The following DDX46 variants were observed in gnomAD, a reference collection of about 807,000 sequenced individuals.
The protein encoded by DDX46 is probable ATP-dependent RNA helicase DDX46.
In DDX46, 30 loss-of-function variants were observed where a neutral mutation model predicts 134.9. That is an observed-to-expected ratio of 0.22 (90% CI 0.17 to 0.30). The LOEUF (loss-of-function observed/expected upper bound fraction) is 0.30. Among genes scored for constraint, DDX46 ranks in the 10% least tolerant of loss-of-function variants. The pLI is 1.00. For synonymous variants in DDX46, 415 were observed against 404.1 expected (o/e 1.03, Z -0.32); for missense variants, 622 against 1,248.7 (o/e 0.50, Z 7.56).
At chr5:134,813,382 G>C (rs1340903771) in intron 18 of DDX46, among the ~76,000 whole-genome samples, 1 of 152,174 alleles carries the variant, frequency 6.6e-6, no homozygotes, top group Non-Finnish European at 1.5e-5. Context: ...TGGCTTAGGC[G>C]CTCGTGAGAT....
At chr5:134,806,386 G>T (rs1360350523) in intron 15 of DDX46, among the ~76,000 whole-genome samples, 4 of 152,008 alleles carry the variant, frequency 2.6e-5, no homozygotes, top group African/African-American at 9.7e-5. Context: ...AAAGGAAGGG[G>T]GTTCATGGTT....
chr5:134,815,149 C>G (rs997279206), intron 18 of DDX46, among the ~76,000 whole-genome samples: 1 of 152,028 alleles, frequency 6.6e-6, no homozygotes, highest in Admixed American at 6.6e-5. Flanking sequence ...CTTGGGAGGC[C>G]GAGATATGAG....
intron 1 of DDX46, among the ~76,000 whole-genome samples, chr5:134,759,377 A>G (rs1330696302): frequency 6.6e-6 from 1 of 152,204 alleles, no homozygotes; most frequent in Non-Finnish European, 1.5e-5. Flanking sequence ...GTTACTTGAA[A>G]GGAGCGTGTG....
intron 1 of DDX46, among the ~76,000 whole-genome samples, chr5:134,763,178 A>G (rs1404564235): frequency 1.3e-5 from 2 of 152,158 alleles, no homozygotes; most frequent in African/African-American, 4.8e-5. Flanking sequence ...AGTTGCAGTG[A>G]ACTGTGAGCA....
At chr5:134,813,607 A>G (rs748990187) in intron 18 of DDX46, among the ~76,000 whole-genome samples, 5 of 151,464 alleles carry the variant, frequency 3.3e-5, no homozygotes, top group African/African-American at 1.2e-4. Context: ...CTTCCACTTT[A>G]TTCTTTATGG....
At chr5:134,790,017 A>T (rs181271876) in intron 12 of DDX46, 1 of 454,962 alleles carries the variant, frequency 2.2e-6, no homozygotes, top group East Asian at 6.9e-5. Context: ...ATAAAATAAT[A>T]TAGAGAGACA....
At chr5:134,790,353 TG>T in intron 12 of DDX46, 116 bp from the exon 13 acceptor site, 2 of 833,370 alleles carry the variant, frequency 2.4e-6, no homozygotes, top group Non-Finnish European at 3.7e-6. Flanking sequence ...CTTACCCCTC[TG>T]GTTAAGTCAG....
intron 13 of DDX46, 73 bp downstream of exon 13, chr5:134,790,625 A>G: frequency 7.5e-7 from 1 of 1,336,666 alleles, no homozygotes; most frequent in Admixed American, 2.0e-5. Flanking sequence ...TGAAATGTTC[A>G]TGTGGTTTCT....
At chr5:134,771,101 T>C in intron 4 of DDX46, 102 bp downstream of exon 4, 1 of 589,170 alleles carries the variant, frequency 1.7e-6, no homozygotes. Flanking sequence ...CTTTCTTTCT[T>C]TCTTTTCTGT....
intron 8 of DDX46, 123 bp from the exon 9 acceptor site, chr5:134,782,822 A>G: frequency 8.0e-7 from 1 of 1,252,878 alleles, no homozygotes; most frequent in South Asian, 1.6e-5. Flanking sequence ...TGCTAGGATT[A>G]CAGGTGTGAG....
At chr5:134,813,137 G>T (rs1046009885) in intron 18 of DDX46, among the ~76,000 whole-genome samples, 7 of 151,968 alleles carry the variant, frequency 4.6e-5, no homozygotes, top group African/African-American at 1.4e-4. Flanking sequence ...TAGAGACAGG[G>T]TTTCACCATG....
chr5:134,768,276 A>C (rs1753644985), intron 3 of DDX46, among the ~76,000 whole-genome samples: 1 of 151,498 alleles, frequency 6.6e-6, no homozygotes, highest in Admixed American at 6.6e-5. Flanking sequence ...TGCCCAGCTA[A>C]TTTTTTGTAT....
rs574642224 is a variant in DDX46, at chr5:134,770,766, C to T, written c.351-137C>T. The stretch of plus-strand genomic sequence containing the variant: ...GGTGGAGGTTGCAGTGAGCTGAGAT[C>T]GCACCATTTCACTCCACTCCAGTCT... On this transcript the variant is annotated intron_variant, in intron 3 of 22. Transcript: ENST00000452510. 3.6e-5 allele frequency: 22 copies of T among 618,972 alleles called. No individual in the cohort carries two copies. The East Asian group carries it at 5.0e-4, about 14-fold the overall frequency. The allele number at this position is 618,972 out of a possible 1,614,324, so 38.3% of individuals were successfully genotyped here. A position where few individuals can be genotyped will look rare whatever the true frequency, so the allele number is the denominator to read the frequency against.
intron 21 of DDX46, among the ~76,000 whole-genome samples, chr5:134,819,340 C>A (rs532361530): frequency 6.6e-6 from 1 of 152,092 alleles, no homozygotes; most frequent in Non-Finnish European, 1.5e-5. Context: ...GTGTATTAGT[C>A]CACTTAATGA....
At chr5:134,777,491 G>T (rs1299950307) in intron 5 of DDX46, 83 bp from the exon 6 acceptor site, 18 of 1,505,076 alleles carry the variant, frequency 1.2e-5, no homozygotes, top group Non-Finnish European at 1.5e-5. Flanking sequence ...GGCAGAAAAG[G>T]TTAGAGAGGT....
In DDX46 at chr5:134,814,774, C is replaced by G. The variant is rs1020071282; in HGVS notation, c.2437-1656C>G. The stretch of plus-strand genomic sequence containing the variant: ...GGGACTACAGGCATGTGCCACCATG[C>G]CTGGGTAACTTTTATATTTTTTGTA... On this transcript the variant is annotated intron_variant, in intron 18 of 22. Transcript: ENST00000452510. Among the ~76,000 whole-genome samples, 4 of 152,218 alleles carry G rather than the reference C, an allele frequency of 2.6e-5. No homozygotes were observed. In the East Asian group the frequency reaches 7.7e-4, roughly 29 times the overall value.
intron 4 of DDX46, among the ~76,000 whole-genome samples, chr5:134,771,626 C>T (rs956235332): frequency 3.3e-5 from 5 of 151,256 alleles, no homozygotes; most frequent in African/African-American, 4.8e-5. Context: ...GGTGTGAACC[C>T]GGGAGGCAGA....
intron 4 of DDX46, among the ~76,000 whole-genome samples, chr5:134,772,484 T>G (rs947286899): frequency 4.6e-5 from 7 of 151,636 alleles, no homozygotes; most frequent in Non-Finnish European, 7.4e-5. Flanking sequence ...ATCCCGCCAA[T>G]GCACTCCAGC....
chr5:134,785,392 G>T (rs959743255), intron 10 of DDX46, 73 bp from the exon 11 acceptor site: 32 of 1,441,946 alleles, frequency 2.2e-5, no homozygotes, highest in African/African-American at 2.9e-5. Context: ...TATTGTAAAG[G>T]TTAAATTGAA....
Sources: gnomAD v4.1 joint callset for allele counts (sites outside exome capture counted in the v4.1 genomes callset) on GRCh38, gnomAD v4.1.1 for gene constraint, MANE v1.5 for transcripts, NCBI Gene and HGNC (gene_info 2026-07-23, HGNC 2026-07-21) for gene names.